NAV3: variants seen among roughly 807,000 people sequenced by gnomAD.
The protein encoded by NAV3 is neuron navigator 3.
Under a neutral mutation model 244.7 loss-of-function variants are expected in NAV3, and 87 were observed. The ratio of observed to expected loss-of-function variants is 0.36; its 90% CI spans 0.30 to 0.42. The LOEUF is 0.42. Ranked by LOEUF, NAV3 falls within the 20% of genes least tolerant of loss-of-function variation. The pLI is 1.00. For missense variants in NAV3, 2,663 were observed against 2,893.3 expected (o/e 0.92, Z 1.83); for synonymous variants, 1,126 against 1,042.2 (o/e 1.08, Z -1.55).
At chr12:77,736,573 G>A (rs980034951) in intron 2 of NAV3, among the ~76,000 whole-genome samples, 3 of 152,172 alleles carry the variant, frequency 2.0e-5, no homozygotes, top group African/African-American at 7.2e-5. Context: ...CTCCAAAGGG[G>A]ATAGATATAT....
chr12:77,590,446 A>G lies in NAV3; in HGVS notation c.72+18180A>G, dbSNP rs1869854069. ...CCAAATACCACATGTTCTCACTTGT[A>G]AGTGGAGCTAAATGATAAGAACCCT... On this transcript the variant is annotated intron_variant, in intron 2 of 8. Transcript: ENST00000550042. Among the ~76,000 whole-genome samples the G allele has an allele frequency of 2.6e-5, 4 of 152,214 alleles. No homozygotes were observed. In the South Asian group the frequency reaches 8.3e-4, roughly 31 times the overall value.
At chr12:77,624,580 A>G (rs988798401) in intron 2 of NAV3, among the ~76,000 whole-genome samples, 1 of 152,072 alleles carries the variant, frequency 6.6e-6, no homozygotes, top group Non-Finnish European at 1.5e-5. Flanking sequence ...TGGACCAAGC[A>G]GTGGACATAC....
At chr12:77,838,466 T>G (rs897352155) in intron 1 of NAV3, among the ~76,000 whole-genome samples, 11 of 152,214 alleles carry the variant, frequency 7.2e-5, no homozygotes, top group Non-Finnish European at 2.9e-5. Flanking sequence ...TGATTAAATG[T>G]TGCTGAAAAT....
intron 24 of NAV3, among the ~76,000 whole-genome samples, chr12:78,173,911 C>A (rs1048444920): frequency 1.5e-4 from 23 of 151,540 alleles, no homozygotes; most frequent in Non-Finnish European, 3.4e-4. Flanking sequence ...GTCTATCAAT[C>A]CATACATACT....
chr12:77,900,888 G>A (rs1411560454), intron 1 of NAV3, among the ~76,000 whole-genome samples: 6 of 152,168 alleles, frequency 3.9e-5, no homozygotes, highest in Middle Eastern at 3.4e-3. Flanking sequence ...AGCCTTGCTA[G>A]CATCTGTAGT....
intron 2 of NAV3, among the ~76,000 whole-genome samples, chr12:77,638,937 G>A (rs1225169031): frequency 6.6e-6 from 1 of 152,056 alleles, no homozygotes; most frequent in East Asian, 1.9e-4. Flanking sequence ...TGGAACCATG[G>A]TATGTTTTTT....
Position 78,007,003 on chromosome 12 carries a change from G to A in NAV3, c.1465G>A (p.Asp489Asn), listed in dbSNP as rs779364938. The A allele has an allele frequency of 3.7e-6, 6 of 1,614,074 alleles. No homozygotes were observed. The highest frequency in any genetic ancestry group is 3.3e-5 in the South Asian group (3 of 91,080). ...TGAAAAACCAGTCAAAGAAGAGAAG[G>A]ATCAGGTGACAGAGATGGCTCCAAA... ...CTEKPVKEEK[D>N]QVTEMAPKKT... Residue 489 changes from aspartate to asparagine, a missense_variant, in exon 8 of 40, where the codon GAT becomes AAT. Physicochemically the swap from Asp to Asn is conservative, Grantham distance 23. Around this residue, in one of 6 missense-constraint regions of NAV3, gnomAD observed 1,521 missense variants for 1,497.0 expected, o/e 1.02. Transcript: ENST00000397909.
intron 2 of NAV3, among the ~76,000 whole-genome samples, chr12:77,819,738 A>C (rs1477130598): frequency 6.6e-6 from 1 of 152,180 alleles, no homozygotes; most frequent in Non-Finnish European, 1.5e-5. Flanking sequence ...AAAATTTTAC[A>C]TGAAAAATCA....
At chr12:78,190,480 A>G (rs985983979) in intron 34 of NAV3, among the ~76,000 whole-genome samples, 1 of 152,020 alleles carries the variant, frequency 6.6e-6, no homozygotes, top group African/African-American at 2.4e-5. Flanking sequence ...CTCCTATGGC[A>G]TGGTTTCTCT....
chr12:78,185,552 T>C, intron 30 of NAV3, 49 bp from the exon 31 acceptor site: 2 of 1,480,610 alleles, frequency 1.4e-6, no homozygotes, highest in Non-Finnish European at 1.9e-6. Flanking sequence ...TAAACAAATC[T>C]GAGCTAATGT....
At chr12:77,987,379 A>G (rs1237340224) in intron 5 of NAV3, among the ~76,000 whole-genome samples, 1 of 152,216 alleles carries the variant, frequency 6.6e-6, no homozygotes, top group African/African-American at 2.4e-5. Context: ...CTTAATTTTC[A>G]TATTTGTCAG....
At chr12:77,951,877 T>C (rs889201604) in intron 3 of NAV3, among the ~76,000 whole-genome samples, 1 of 151,776 alleles carries the variant, frequency 6.6e-6, no homozygotes, top group South Asian at 2.1e-4. Flanking sequence ...ATGAGAACAC[T>C]TGGACACAGG....
At chr12:77,799,335 T>C (rs1871584807) in intron 2 of NAV3, among the ~76,000 whole-genome samples, 1 of 152,234 alleles carries the variant, frequency 6.6e-6, no homozygotes, top group Non-Finnish European at 1.5e-5. Flanking sequence ...TTTTAATTTA[T>C]GTGAAATGCT....
At chr12:77,586,109 C>T (rs1444473427) in intron 2 of NAV3, among the ~76,000 whole-genome samples, 1 of 151,978 alleles carries the variant, frequency 6.6e-6, no homozygotes, top group Non-Finnish European at 1.5e-5. Flanking sequence ...TTGCAGTGAG[C>T]CGAGATCGCG....
chr12:77,693,097 G>T (rs1351887303), intron 2 of NAV3, among the ~76,000 whole-genome samples: 1 of 152,104 alleles, frequency 6.6e-6, no homozygotes, highest in Non-Finnish European at 1.5e-5. Flanking sequence ...ACAGAGAAAC[G>T]AGAGAAAAGG....
intron 31 of NAV3, among the ~76,000 whole-genome samples, chr12:78,186,017 T>G (rs1958701816): frequency 6.6e-6 from 1 of 151,880 alleles, no homozygotes; most frequent in Non-Finnish European, 1.5e-5. Context: ...TTATTTGTTA[T>G]AGGTAATGTT....
At chr12:78,073,678 G>GA (rs1235712595) in intron 12 of NAV3, among the ~76,000 whole-genome samples, 1 of 151,476 alleles carries the variant, frequency 6.6e-6, no homozygotes, top group East Asian at 1.9e-4. Flanking sequence ...CACAGAATTG[G>GA]AAAAAAAACT....
At chr12:77,972,332 T>C (rs527661091) in intron 5 of NAV3, among the ~76,000 whole-genome samples, 3 of 152,196 alleles carry the variant, frequency 2.0e-5, no homozygotes, top group Admixed American at 6.5e-5. Flanking sequence ...TTAAGTTTCT[T>C]AAATTCATTA....
At chr12:77,780,674 T>G (rs797005239) in intron 2 of NAV3, among the ~76,000 whole-genome samples, 9 of 152,314 alleles carry the variant, frequency 5.9e-5, no homozygotes, top group Admixed American at 2.6e-4. Flanking sequence ...AGGGGCCTTA[T>G]CTTTCCTGAT....
Sources: allele counts gnomAD v4.1 joint callset (sites outside exome capture counted in the v4.1 genomes callset), GRCh38; gene constraint gnomAD v4.1.1; regional missense constraint gnomAD v4.1.1; transcripts MANE v1.5; gene names NCBI Gene and HGNC (gene_info 2026-07-23, HGNC 2026-07-21).